RBFOX1: variants seen among roughly 807,000 people sequenced by gnomAD.
The protein encoded by RBFOX1 is RNA binding fox-1 homolog 1, also known as RNA binding protein fox-1 homolog 1.
Under a neutral mutation model 57.7 loss-of-function variants are expected in RBFOX1, and 8 were observed. The ratio of observed to expected loss-of-function variants is 0.14; its 90% confidence interval spans 0.08 to 0.25. RBFOX1 has a LOEUF of 0.25. Among genes scored for constraint, RBFOX1 ranks in the 10% least tolerant of loss-of-function variants. RBFOX1 has a pLI of 1.00. For synonymous variants in RBFOX1, 326 were observed against 222.4 expected (o/e 1.47, Z -4.15); for missense variants, 611 against 548.5 (o/e 1.11, Z -1.14).
At chr16:7,129,033 A>G (rs1180142003) in intron 4 of RBFOX1, among the ~76,000 whole-genome samples, 1 of 151,532 alleles carries the variant, frequency 6.6e-6, no homozygotes, top group African/African-American at 2.4e-5. Context: ...GTTGGCCAGG[A>G]TGGTCTTGAC....
At chr16:5,899,856 G>C (rs1183270899) in intron 4 of RBFOX1, among the ~76,000 whole-genome samples, 4 of 152,114 alleles carry the variant, frequency 2.6e-5, no homozygotes, top group Admixed American at 1.3e-4. Flanking sequence ...GGTGGATCAC[G>C]TGAGCCCAGG....
At chr16:6,858,042 G>C (rs554639077) in intron 3 of RBFOX1, among the ~76,000 whole-genome samples, 5 of 152,244 alleles carry the variant, frequency 3.3e-5, no homozygotes, top group African/African-American at 9.6e-5. Flanking sequence ...ACTCACAAAT[G>C]TTCATCCCAA....
intron 4 of RBFOX1, among the ~76,000 whole-genome samples, chr16:7,175,768 C>T (rs1299925820): frequency 1.3e-5 from 2 of 152,150 alleles, no homozygotes; most frequent in African/African-American, 4.8e-5. Flanking sequence ...AAATGTCTTC[C>T]TCTCTCCTTC....
chr16:5,585,175 C>G (rs1037571861), intron 2 of RBFOX1, among the ~76,000 whole-genome samples: 2 of 152,164 alleles, frequency 1.3e-5, no homozygotes, highest in Admixed American at 1.3e-4. Flanking sequence ...CCATCCTGCC[C>G]TCCCCCCGTC....
chr16:6,206,728 C>T (rs2097257731), intron 1 of RBFOX1, among the ~76,000 whole-genome samples: 1 of 152,186 alleles, frequency 6.6e-6, no homozygotes, highest in Non-Finnish European at 1.5e-5. Flanking sequence ...GTTGTAACCT[C>T]TTACATCAGA....
At chr16:5,996,443 G>A (rs1359424577) in intron 4 of RBFOX1, among the ~76,000 whole-genome samples, 1 of 109,618 alleles carries the variant, frequency 9.1e-6, no homozygotes, top group African/African-American at 3.9e-5. Flanking sequence ...TCACGGAGGT[G>A]TGAGGGTGAT....
At chr16:5,371,153 G>T (rs1209758372) in intron 1 of RBFOX1, among the ~76,000 whole-genome samples, 1 of 152,026 alleles carries the variant, frequency 6.6e-6, no homozygotes. Context: ...TCACCATATT[G>T]GTCAGGCTAG....
At chr16:6,585,697 T>C (rs981364136) in intron 2 of RBFOX1, among the ~76,000 whole-genome samples, 2 of 152,088 alleles carry the variant, frequency 1.3e-5, no homozygotes, top group African/African-American at 4.8e-5. Context: ...ATGATAACTG[T>C]AATCATGCAC....
At chr16:6,517,004 A>T (rs1421475214) in intron 2 of RBFOX1, among the ~76,000 whole-genome samples, 2 of 152,186 alleles carry the variant, frequency 1.3e-5, no homozygotes, top group East Asian at 3.9e-4. Flanking sequence ...GTGAGCATAA[A>T]TTCCTACTAG....
At chr16:6,193,370 A>ACACAT (rs1567650576) in intron 1 of RBFOX1, among the ~76,000 whole-genome samples, 15 of 111,990 alleles carry the variant, frequency 1.3e-4, no homozygotes, top group African/African-American at 5.0e-4. Flanking sequence ...ATATATATAT[A>ACACAT]TATATACATT....
At chr16:7,307,115 A>G (rs1226822905) in intron 4 of RBFOX1, among the ~76,000 whole-genome samples, 3 of 152,236 alleles carry the variant, frequency 2.0e-5, no homozygotes, top group South Asian at 2.1e-4. Flanking sequence ...GAGATCACCA[A>G]TTACATAAGA....
At chr16:7,273,937 T>C (rs1177038834) in intron 4 of RBFOX1, among the ~76,000 whole-genome samples, 4 of 152,210 alleles carry the variant, frequency 2.6e-5, no homozygotes, top group African/African-American at 7.2e-5. Context: ...TTCTGTAGTA[T>C]TACTGGTCTA....
chr16:6,585,401 T>C (rs900100350), intron 2 of RBFOX1, among the ~76,000 whole-genome samples: 1 of 152,212 alleles, frequency 6.6e-6, no homozygotes, highest in Non-Finnish European at 1.5e-5. Context: ...TTACTTCGAC[T>C]CTTTTTTCAA....
chr16:7,664,544 C>T lies in RBFOX1; in HGVS notation c.891-385C>T, dbSNP rs529140227. 3.3e-5 allele frequency among the ~76,000 whole-genome samples: 5 copies of T among 152,204 alleles called. No homozygotes were observed. In the South Asian group the frequency reaches 8.3e-4, roughly 25 times the overall value. On this transcript the variant is annotated intron_variant, in intron 12 of 15. Coordinates refer to ENST00000550418, the MANE Select transcript of RBFOX1 (RefSeq NM_018723.4). ...TAAATAGATGTTTTGGGTTTTTATT[C>T]TGTGGGGTAGGGGGCTATGTGGTTT... is the stretch of plus-strand genomic sequence containing the variant.
chr16:7,316,961 A>G (rs1334260383), intron 4 of RBFOX1, among the ~76,000 whole-genome samples: 1 of 59,494 alleles, frequency 1.7e-5, no homozygotes, highest in African/African-American at 6.2e-5. Flanking sequence ...TGAAGAAGAC[A>G]GAACACACAC....
intron 7 of RBFOX1, among the ~76,000 whole-genome samples, chr16:7,588,971 T>A (rs1358334766): frequency 6.6e-6 from 1 of 152,190 alleles, no homozygotes; most frequent in East Asian, 1.9e-4. Context: ...TAATACTCCT[T>A]CAGGGACCTT....
intron 4 of RBFOX1, among the ~76,000 whole-genome samples, chr16:7,382,322 G>C (rs1403537536): frequency 6.6e-6 from 1 of 152,054 alleles, no homozygotes; most frequent in Non-Finnish European, 1.5e-5. Context: ...GCTATCCACA[G>C]CCCTCAAGAG....
At chr16:6,402,975 C>A (rs181161653) in intron 2 of RBFOX1, among the ~76,000 whole-genome samples, 1 of 152,110 alleles carries the variant, frequency 6.6e-6, no homozygotes, top group East Asian at 1.9e-4. Flanking sequence ...AACCTTCAAC[C>A]CTTGGCTTCT....
chr16:5,463,933 C>G (rs2068874591), intron 1 of RBFOX1, among the ~76,000 whole-genome samples: 1 of 152,116 alleles, frequency 6.6e-6, no homozygotes, highest in African/African-American at 2.4e-5. Context: ...TTCAGCAGAA[C>G]AAAGAGAGGT....
Sources: allele counts gnomAD v4.1 joint callset (sites outside exome capture counted in the v4.1 genomes callset), GRCh38; gene constraint gnomAD v4.1.1; transcripts MANE v1.5; gene names NCBI Gene and HGNC (gene_info 2026-07-23, HGNC 2026-07-21).